Variants in PCDHA10 observed in about 807,000 individuals in gnomAD.
PCDHA10 encodes protocadherin alpha 10.
A neutral mutation model predicts 61.2 loss-of-function variants in PCDHA10; 45 were observed. That is an observed-to-expected ratio of 0.74 (90% CI 0.58 to 0.94). The LOEUF is 0.94. PCDHA10 is among the 40% of genes least tolerant of loss of function. The pLI is 0.00. For synonymous variants in PCDHA10, 602 were observed against 548.8 expected, an observed-to-expected ratio of 1.10 and a Z score of -1.35; for missense variants, 1,278 against 1,236.2, an observed-to-expected ratio of 1.03 and a Z score of -0.51.
intron 1 of PCDHA10, among the ~76,000 whole-genome samples, chr5:140,903,652 T>C (rs1304934693): frequency 6.6e-6 from 1 of 152,234 alleles, no homozygotes; most frequent in Non-Finnish European, 1.5e-5. Context: ...ATACATATAT[T>C]ATAAATTTAA....
rs1316555766 is a variant in PCDHA10, at chr5:141,011,101, T to C, written c.*1164T>C. 1.3e-5 allele frequency: 2 copies of C among 153,710 alleles called. No homozygotes were observed. The highest frequency in any genetic ancestry group is 2.9e-5 in the Non-Finnish European group (2 of 68,016). The allele number at this position is 153,710 out of a possible 1,614,324, so 9.5% of individuals were successfully genotyped here. A position where few individuals can be genotyped will look rare whatever the true frequency, so the allele number is the denominator to read the frequency against. On this transcript the variant is annotated 3_prime_UTR_variant, in exon 4 of 4. Coordinates refer to ENST00000307360, the MANE Select transcript of PCDHA10 (RefSeq NM_018901.4). ...AATGATCTCTCTTTCTCTCTCTCTC[T>C]CTCTTTTCTAAGAAACAATTATGTG...
chr5:140,929,078 G>A lies in PCDHA10; in HGVS notation c.2389-49871G>A, dbSNP rs144524128. On this transcript the variant is annotated intron_variant, in intron 1 of 3. Coordinates refer to ENST00000307360, the MANE Select transcript of PCDHA10 (RefSeq NM_018901.4). ...TCTACAGAGGATCTGAGGTATGGAA[G>A]TAAGATGGTTTCAAATCCTTGCATG... 20 of 1,614,208 alleles carry A rather than the reference G, an allele frequency of 1.2e-5. No individual in the cohort carries two copies. The African/African-American group carries it at 2.3e-4, about 18-fold the overall frequency.
intron 1 of PCDHA10, among the ~76,000 whole-genome samples, chr5:140,909,701 T>A (rs1038404823): frequency 4.6e-4 from 70 of 152,334 alleles, no homozygotes; most frequent in African/African-American, 1.6e-3. Flanking sequence ...TTCTGCTAGC[T>A]GCTAAGTATA....
chr5:140,876,575 T>C (rs2153342882), intron 1 of PCDHA10: 1 of 1,614,152 alleles, frequency 6.2e-7, no homozygotes, highest in South Asian at 1.1e-5. Context: ...GTGGGTACCG[T>C]CATTGCCCTG....
At chr5:140,975,283 A>G (rs1554236730) in intron 1 of PCDHA10, among the ~76,000 whole-genome samples, 1 of 152,122 alleles carries the variant, frequency 6.6e-6, no homozygotes, top group Non-Finnish European at 1.5e-5. Context: ...TGACCTCTAG[A>G]CCCAGATTTA....
At chr5:140,995,903 G>A (rs1554254885) in intron 3 of PCDHA10, among the ~76,000 whole-genome samples, 2 of 152,206 alleles carry the variant, frequency 1.3e-5, no homozygotes, top group East Asian at 1.9e-4. Flanking sequence ...ATGTATAAAA[G>A]AGGAGAGACC....
intron 1 of PCDHA10, among the ~76,000 whole-genome samples, chr5:140,945,934 T>C (rs1161156525): frequency 2.0e-5 from 3 of 152,092 alleles, no homozygotes; most frequent in African/African-American, 4.8e-5. Context: ...TGAGCAATGA[T>C]GTTTTTTATA....
Position 140,982,486 on chromosome 5 carries a change from T to C in PCDHA10, c.2459T>C (p.Leu820Pro). ...LRAGMHSSVH[L>P]EEAGILRAGP... Reference sequence around the variant, plus strand: ...GTGTGTTTATTCAGCTCTGTGCACCTAGAGGAGGCTGGCATTCTACGGGCT... The same window carrying C: ...GTGTGTTTATTCAGCTCTGTGCACCCAGAGGAGGCTGGCATTCTACGGGCT... Residue 820 changes from leucine to proline, a missense_variant, in exon 3 of 4, where the codon CTA (leucine) becomes CCA (proline). Physicochemically the swap from Leu to Pro is moderately conservative, Grantham distance 98. Coordinates refer to ENST00000307360, the MANE Select transcript of PCDHA10 (RefSeq NM_018901.4). The C allele has an allele frequency of 6.2e-7, 1 of 1,614,180 alleles. No individual in the cohort carries two copies. Among genetic ancestry groups the C allele is most frequent in the South Asian group, 1.1e-5 (1 of 91,086 alleles).
chr5:140,884,441 GCACCGCCCACCGAGGGC>G (rs782266354), intron 1 of PCDHA10: 1 of 1,613,812 alleles, frequency 6.2e-7, no homozygotes, highest in Non-Finnish European at 8.5e-7. Flanking sequence ...GCGGTGCTCG[GCACCGCCCACCGAGGGC>G]GCGTGCGCGC....
At chr5:140,955,381 T>TG (rs782287731) in intron 1 of PCDHA10, among the ~76,000 whole-genome samples, 4 of 152,136 alleles carry the variant, frequency 2.6e-5, no homozygotes, top group Non-Finnish European at 5.9e-5. Context: ...AATTGAATCA[T>TG]GGGGGCAATT....
chr5:140,918,311 G>A (rs1286596595), intron 1 of PCDHA10, among the ~76,000 whole-genome samples: 2 of 152,070 alleles, frequency 1.3e-5, no homozygotes, highest in African/African-American at 4.8e-5. Context: ...GGGTTTTCTA[G>A]GTATAAAATT....
Position 140,856,840 on chromosome 5 carries a change from C to G in PCDHA10, c.792C>G (p.Asn264Lys). 6.3e-7 allele frequency: 1 copy of G among 1,591,894 alleles called. No individual in the cohort carries two copies. Among genetic ancestry groups the G allele is most frequent in the Non-Finnish European group, 8.6e-7 (1 of 1,162,124 alleles). Residue 264 changes from asparagine to lysine, a missense_variant, in exon 1 of 4, where the codon AAC (asparagine) becomes AAG (lysine). Transcript: ENST00000307360. ...QVNQTLVIRLNASDSDEGINK... is the reference protein window; with the variant it reads ...QVNQTLVIRLKASDSDEGINK... ...ACCAAACATTAGTAATACGGCTCAA[C>G]GCTTCTGATTCGGATGAAGGAATAA...
At chr5:140,906,030 T>G (rs1554192342) in intron 1 of PCDHA10, among the ~76,000 whole-genome samples, 1 of 152,196 alleles carries the variant, frequency 6.6e-6, no homozygotes, top group Non-Finnish European at 1.5e-5. Flanking sequence ...CACGTTCTTC[T>G]GTCTGCTTTT....
intron 3 of PCDHA10, among the ~76,000 whole-genome samples, chr5:140,985,689 C>A (rs1237077456): frequency 6.6e-6 from 1 of 151,906 alleles, no homozygotes; most frequent in African/African-American, 2.4e-5. Flanking sequence ...TTACGCTAAT[C>A]CTCGTTCATA....
At chr5:140,945,955 A>C (rs1174972799) in intron 1 of PCDHA10, among the ~76,000 whole-genome samples, 2 of 152,136 alleles carry the variant, frequency 1.3e-5, no homozygotes, top group African/African-American at 4.8e-5. Context: ...TGACCCTGAA[A>C]GCACAGGCAA....
chr5:140,981,687 A>ATCAT (rs200213847), intron 2 of PCDHA10, among the ~76,000 whole-genome samples: 1,547 of 152,086 alleles, frequency 0.01, 18 homozygotes, highest in African/African-American at 0.031. Flanking sequence ...CCTCCCTTCC[A>ATCAT]TCATTCATTC....
At chr5:140,931,574 C>A (rs1311706898) in intron 1 of PCDHA10, among the ~76,000 whole-genome samples, 1 of 152,024 alleles carries the variant, frequency 6.6e-6, no homozygotes, top group Non-Finnish European at 1.5e-5. Flanking sequence ...CCATCCCATT[C>A]ATTCAGTTGA....
In PCDHA10 at chr5:140,856,044, A is replaced by G. The variant is rs782811970; in HGVS notation, c.-5A>G. ...CGTCGATTTGTAAAACAAGAGAAGGATAAGATGGTTTCCAGATGTAGCTGC... is the reference window on the plus strand; with the variant it reads ...CGTCGATTTGTAAAACAAGAGAAGGGTAAGATGGTTTCCAGATGTAGCTGC... On this transcript the variant is annotated 5_prime_UTR_variant, in exon 1 of 4. Coordinates refer to ENST00000307360, the MANE Select transcript of PCDHA10 (RefSeq NM_018901.4). 1 of 1,581,666 alleles carries G rather than the reference A, an allele frequency of 6.3e-7. No individual in the cohort carries two copies. Among genetic ancestry groups the G allele is most frequent in the South Asian group, 1.1e-5 (1 of 88,646 alleles).
At chr5:140,882,153 AAT>A in intron 1 of PCDHA10, 1 of 1,505,320 alleles carries the variant, frequency 6.6e-7, no homozygotes, top group South Asian at 1.4e-5. Context: ...CAGAAAGCGG[AAT>A]ACCTCTTGCG....
Sources: gnomAD v4.1 joint callset for allele counts (sites outside exome capture counted in the v4.1 genomes callset) on GRCh38, gnomAD v4.1.1 for gene constraint, MANE v1.5 for transcripts, NCBI Gene and HGNC (gene_info 2026-07-23, HGNC 2026-07-21) for gene names.